L3MBTL4: variants seen among roughly 807,000 people sequenced by gnomAD.
L3MBTL4 encodes the protein lethal(3)malignant brain tumor-like protein 4.
In L3MBTL4, 70 loss-of-function variants were observed where a neutral mutation model predicts 84.5. The observed-to-expected ratio is 0.83, with a 90% confidence interval of 0.68 to 1.01. The LOEUF is 1.01. L3MBTL4 is among the 50% of genes least tolerant of loss of function. The pLI is 0.00. For synonymous variants in L3MBTL4, 274 were observed against 259.8 expected (o/e 1.05, Z -0.52); for missense variants, 715 against 754.8 (o/e 0.95, Z 0.62).
At position 6,117,704 on chromosome 18, in the gene L3MBTL4, G is replaced by A. The variant is rs113473270; in HGVS notation, c.1199+20490C>T. Among the ~76,000 whole-genome samples the A allele has an allele frequency of 3.0e-3, 450 of 152,234 alleles. 1 individual carries two copies. Among genetic ancestry groups the A allele is most frequent in the African/African-American group, 0.01 (425 of 41,524 alleles). ...AAAACATTTGTGTGATAAGTACAGC[G>A]TCCTATGTTAAAATCTTGGCACACA... is the stretch of plus-strand genomic sequence containing the variant. On this transcript the variant is annotated intron_variant, in intron 14 of 18. Coordinates refer to ENST00000317931, the MANE Select transcript of L3MBTL4 (RefSeq NM_001330559.2).
At chr18:6,125,070 G>GA (rs535001906) in intron 14 of L3MBTL4, among the ~76,000 whole-genome samples, 62 of 151,850 alleles carry the variant, frequency 4.1e-4, no homozygotes, top group African/African-American at 1.4e-3. Flanking sequence ...AAACGCATCT[G>GA]AAAAAAACAT....
intron 16 of L3MBTL4, among the ~76,000 whole-genome samples, chr18:6,008,262 C>T (rs2054578616): frequency 6.6e-6 from 1 of 152,174 alleles, no homozygotes; most frequent in South Asian, 2.1e-4. Context: ...CCCCACTCTT[C>T]CTCTGCAGGA....
At chr18:6,244,718 T>C in intron 5 of L3MBTL4, 130 bp from the exon 6 acceptor site, 1 of 659,320 alleles carries the variant, frequency 1.5e-6, no homozygotes, top group South Asian at 1.9e-5. Context: ...GAATGGTGTC[T>C]ACCAGAGGCT....
intron 14 of L3MBTL4, among the ~76,000 whole-genome samples, chr18:6,132,463 G>A (rs2059904154): frequency 6.6e-6 from 1 of 152,140 alleles, no homozygotes; most frequent in Admixed American, 6.5e-5. Flanking sequence ...CATCACCCCA[G>A]CAGCCCTGAG....
intron 4 of L3MBTL4, among the ~76,000 whole-genome samples, chr18:6,295,977 C>G (rs1463811475): frequency 6.6e-6 from 1 of 152,148 alleles, no homozygotes; most frequent in Non-Finnish European, 1.5e-5. Context: ...TAAAGTAAAA[C>G]TGATTTGGTT....
chr18:6,062,041 A>C (rs971246216), intron 16 of L3MBTL4, among the ~76,000 whole-genome samples: 3 of 151,988 alleles, frequency 2.0e-5, no homozygotes, highest in African/African-American at 7.2e-5. Context: ...AAAAAGTAAA[A>C]TATTTTATGT....
intron 16 of L3MBTL4, among the ~76,000 whole-genome samples, chr18:5,992,920 T>G (rs1266660465): frequency 6.6e-6 from 1 of 152,198 alleles, no homozygotes; most frequent in Non-Finnish European, 1.5e-5. Context: ...CTAGTAGCAA[T>G]GCAACAACAG....
At chr18:6,253,282 C>A (rs2048005533) in intron 5 of L3MBTL4, among the ~76,000 whole-genome samples, 1 of 152,246 alleles carries the variant, frequency 6.6e-6, no homozygotes, top group South Asian at 2.1e-4. Flanking sequence ...CTAAGGCTCA[C>A]AGTTGTTCAC....
chr18:6,204,900 A>C (rs1568311265), intron 12 of L3MBTL4, among the ~76,000 whole-genome samples: 1 of 152,232 alleles, frequency 6.6e-6, no homozygotes, highest in Non-Finnish European at 1.5e-5. Flanking sequence ...CTACCTTAGC[A>C]GTGTTCAGTA....
chr18:6,137,233 C>T (rs745622065), intron 14 of L3MBTL4, among the ~76,000 whole-genome samples: 1 of 152,220 alleles, frequency 6.6e-6, no homozygotes, highest in Non-Finnish European at 1.5e-5. Context: ...AGTCGCCAAG[C>T]AGTCTTCATG....
intron 1 of L3MBTL4, among the ~76,000 whole-genome samples, chr18:6,405,426 G>GTACC (rs1299694873): frequency 6.6e-6 from 1 of 152,220 alleles, no homozygotes; most frequent in African/African-American, 2.4e-5. Flanking sequence ...AGCTCCTGAT[G>GTACC]TACCATCTGT....
intron 12 of L3MBTL4, among the ~76,000 whole-genome samples, chr18:6,181,530 A>C (rs1432428586): frequency 6.6e-6 from 1 of 151,862 alleles, no homozygotes; most frequent in Non-Finnish European, 1.5e-5. Flanking sequence ...GGGTTTCAAC[A>C]TGTTGGCCAG....
intron 1 of L3MBTL4, among the ~76,000 whole-genome samples, chr18:6,313,267 T>TA (rs71163270): frequency 0.011 from 1,660 of 152,316 alleles, 20 homozygotes; most frequent in Non-Finnish European, 0.018. Flanking sequence ...CTCTCTGAAT[T>TA]ACAGAGAAGC....
intron 16 of L3MBTL4, among the ~76,000 whole-genome samples, chr18:6,023,320 T>G (rs2055355159): frequency 6.6e-6 from 1 of 152,216 alleles, no homozygotes; most frequent in African/African-American, 2.4e-5. Flanking sequence ...GTGCACTGAT[T>G]CATGATGTGG....
intron 12 of L3MBTL4, among the ~76,000 whole-genome samples, chr18:6,199,020 T>G (rs2045531523): frequency 6.6e-6 from 1 of 152,258 alleles, no homozygotes. Flanking sequence ...TCATTTAAAT[T>G]ACATTTTTGA....
chr18:6,105,293 C>A (rs1423559285), intron 14 of L3MBTL4, among the ~76,000 whole-genome samples: 2 of 148,854 alleles, frequency 1.3e-5, no homozygotes, highest in Non-Finnish European at 3.0e-5. Context: ...AGGGTTCAAG[C>A]GATTCTTCTG....
intron 16 of L3MBTL4, among the ~76,000 whole-genome samples, chr18:5,986,049 CAG>C (rs1361265724): frequency 1.3e-5 from 2 of 152,014 alleles, no homozygotes; most frequent in Non-Finnish European, 2.9e-5. Context: ...GTGACCTGGC[CAG>C]AGAGAGCAAC....
intron 4 of L3MBTL4, among the ~76,000 whole-genome samples, chr18:6,286,412 C>T (rs907092549): frequency 3.3e-5 from 5 of 151,536 alleles, no homozygotes; most frequent in African/African-American, 1.2e-4. Flanking sequence ...TGCAGTGAGC[C>T]GAGATCACGC....
In L3MBTL4 at chr18:6,323,775, C is replaced by T. The variant is rs539546093; in HGVS notation, c.-90-11719G>A. Among the ~76,000 whole-genome samples, 83 of 152,270 alleles carry T rather than the reference C, an allele frequency of 5.5e-4. 1 individual carries two copies. Among genetic ancestry groups the T allele is most frequent in the African/African-American group, 2.0e-3 (82 of 41,552 alleles). ...AAGTTTGGAAAATTTGCAGCCTGGC[C>T]ATGTGGTAGAAAAGAAAAGACCATT... is the stretch of plus-strand genomic sequence containing the variant. On this transcript the variant is annotated intron_variant, in intron 1 of 18. Transcript: ENST00000317931.
Sources: gnomAD v4.1 joint callset for allele counts (sites outside exome capture counted in the v4.1 genomes callset) on GRCh38, gnomAD v4.1.1 for gene constraint, MANE v1.5 for transcripts, NCBI Gene and HGNC (gene_info 2026-07-23, HGNC 2026-07-21) for gene names.